RAD51B: variants seen among roughly 807,000 people sequenced by gnomAD.
RAD51B encodes the protein DNA repair protein RAD51 homolog 2.
In RAD51B, 38 loss-of-function variants were observed where a neutral mutation model predicts 42.2. The observed-to-expected ratio is 0.90, with a 90% CI of 0.70 to 1.18. The LOEUF is 1.18. Among genes scored for constraint, RAD51B ranks in the 50% most tolerant of loss-of-function variants. RAD51B has a pLI of 0.00. For synonymous variants in RAD51B, 154 were observed against 145.2 expected (o/e 1.06, Z -0.43); for missense variants, 373 against 400.7 (o/e 0.93, Z 0.59).
At chr14:68,569,635 C>T (rs997567408) in intron 10 of RAD51B, among the ~76,000 whole-genome samples, 3 of 152,170 alleles carry the variant, frequency 2.0e-5, no homozygotes, top group Non-Finnish European at 4.4e-5. Context: ...CACCTCTGCC[C>T]GCAGAGAGGG....
chr14:67,996,300 G>A (rs950473394), intron 7 of RAD51B, among the ~76,000 whole-genome samples: 1 of 151,886 alleles, frequency 6.6e-6, no homozygotes, highest in African/African-American at 2.4e-5. Flanking sequence ...GGAGCCCGAG[G>A]CAGGAAGATT....
chr14:68,478,205 C>T, downstream of RAD51B: 1 of 1,005,972 alleles, frequency 9.9e-7, no homozygotes. Context: ...GGGGTCGACT[C>T]TGTGTCAGAG....
chr14:68,127,330 G>A (rs780022974), intron 7 of RAD51B, among the ~76,000 whole-genome samples: 9 of 152,088 alleles, frequency 5.9e-5, no homozygotes, highest in Non-Finnish European at 1.3e-4. Flanking sequence ...GCTCTTAAAA[G>A]CACTATTCAC....
chr14:68,488,513 C>G (rs534679720), intron 10 of RAD51B, among the ~76,000 whole-genome samples: 1 of 152,138 alleles, frequency 6.6e-6, no homozygotes, highest in Admixed American at 6.5e-5. Flanking sequence ...ATTCCCCACC[C>G]TTTGTATTTG....
chr14:68,007,908 TAAAG>T (rs1354072729), intron 7 of RAD51B, among the ~76,000 whole-genome samples: 2 of 151,678 alleles, frequency 1.3e-5, no homozygotes, highest in Admixed American at 6.6e-5. Flanking sequence ...AGTAAAAAAA[TAAAG>T]AAAAAGCAAA....
At chr14:68,068,958 A>G (rs1337524302) in intron 7 of RAD51B, among the ~76,000 whole-genome samples, 1 of 152,020 alleles carries the variant, frequency 6.6e-6, no homozygotes, top group Non-Finnish European at 1.5e-5. Context: ...TAATTTCCAG[A>G]GCTCCAGAAG....
chr14:68,655,932 A>G (rs576837431), intron 11 of RAD51B, among the ~76,000 whole-genome samples: 1 of 152,340 alleles, frequency 6.6e-6, no homozygotes, highest in African/African-American at 2.4e-5. Flanking sequence ...GCCTCACAGC[A>G]GACAGGAACC....
At chr14:68,015,876 G>A (rs547209899) in intron 7 of RAD51B, among the ~76,000 whole-genome samples, 29 of 152,288 alleles carry the variant, frequency 1.9e-4, no homozygotes, top group African/African-American at 6.7e-4. Context: ...ATTTATAAAT[G>A]CCTTACCTTT....
chr14:68,387,118 C>G (rs1359738968), intron 8 of RAD51B: 3 of 152,188 alleles, frequency 2.0e-5, no homozygotes, highest in African/African-American at 7.2e-5. Flanking sequence ...TCCAGTTCCA[C>G]GTTTAACTGA....
chr14:67,989,138 A>G (rs1274004065), intron 7 of RAD51B, among the ~76,000 whole-genome samples: 2 of 152,206 alleles, frequency 1.3e-5, no homozygotes, highest in African/African-American at 4.8e-5. Flanking sequence ...CAGGTAAATC[A>G]CTTAGTTCTC....
chr14:68,675,385 C>G (rs1366418632), intron 11 of RAD51B, among the ~76,000 whole-genome samples: 2 of 151,962 alleles, frequency 1.3e-5, no homozygotes, highest in Non-Finnish European at 2.9e-5. Context: ...ACTCAGTGTC[C>G]AGGCAAATGG....
chr14:68,341,533 C>T (rs115428732), intron 8 of RAD51B, among the ~76,000 whole-genome samples: 98 of 152,256 alleles, frequency 6.4e-4, no homozygotes, highest in African/African-American at 2.2e-3. Flanking sequence ...AATGTAATTG[C>T]GAAGGCTAAG....
intron 8 of RAD51B, among the ~76,000 whole-genome samples, chr14:68,333,676 G>A (rs1956524): frequency 0.49 from 74,068 of 152,038 alleles, 21,254 homozygotes; most frequent in South Asian, 0.65. Flanking sequence ...AACATTGTAC[G>A]TTATAATCAT....
At chr14:67,936,438 C>T (rs537036130) in intron 7 of RAD51B, among the ~76,000 whole-genome samples, 2 of 152,276 alleles carry the variant, frequency 1.3e-5, no homozygotes, top group South Asian at 4.1e-4. Context: ...CATTCCTTTT[C>T]ATTGCCAAAT....
intron 7 of RAD51B, among the ~76,000 whole-genome samples, chr14:68,191,005 C>T (rs545429569): frequency 1.9e-4 from 29 of 150,580 alleles, no homozygotes; most frequent in African/African-American, 6.6e-4. Flanking sequence ...TATCTAAATG[C>T]TGTTAGTTAA....
chr14:68,541,713 C>T (rs1887978066), intron 10 of RAD51B: 16 of 985,316 alleles, frequency 1.6e-5, no homozygotes, highest in Non-Finnish European at 1.9e-5. Context: ...GAAGAAAAAG[C>T]TGGCAAAGTG....
chr14:68,645,501 TG>T (rs1892546057), intron 10 of RAD51B, among the ~76,000 whole-genome samples: 1 of 152,240 alleles, frequency 6.6e-6, no homozygotes, highest in African/African-American at 2.4e-5. Flanking sequence ...TCAGTTATTT[TG>T]GGTATGTACC....
chr14:68,645,542 G>C (rs1309190635), intron 10 of RAD51B, among the ~76,000 whole-genome samples: 1 of 152,178 alleles, frequency 6.6e-6, no homozygotes, highest in African/African-American at 2.4e-5. Flanking sequence ...TTCTAATACA[G>C]TAATTCTATT....
intron 8 of RAD51B, among the ~76,000 whole-genome samples, chr14:68,344,590 T>C (rs551710768): frequency 2.7e-4 from 41 of 150,314 alleles, no homozygotes; most frequent in Non-Finnish European, 1.3e-4. Flanking sequence ...GAGCTTGCAG[T>C]GAGCAAAGAT....
Sources: gnomAD v4.1 joint callset for allele counts (sites outside exome capture counted in the v4.1 genomes callset) on GRCh38, gnomAD v4.1.1 for gene constraint, MANE v1.5 for transcripts, NCBI Gene and HGNC (gene_info 2026-07-23, HGNC 2026-07-21) for gene names.